The following ITGB5 variants were observed in gnomAD, a reference collection of about 807,000 sequenced individuals.
The protein encoded by ITGB5 is integrin beta-5.
In ITGB5, 38 loss-of-function variants were observed where a neutral mutation model predicts 84.8. That is an observed-to-expected ratio of 0.45 (90% CI 0.35 to 0.59). ITGB5 has a LOEUF of 0.59. Ranked by LOEUF, ITGB5 falls within the 20% of genes least tolerant of loss-of-function variation. The pLI is 0.01. For synonymous variants in ITGB5, 393 were observed against 414.4 expected (o/e 0.95, Z 0.63); for missense variants, 905 against 1,034.5 (o/e 0.87, Z 1.72).
chr3:124,825,452 T>C (rs535234271), intron 5 of ITGB5, among the ~76,000 whole-genome samples: 47 of 152,254 alleles, frequency 3.1e-4, no homozygotes, highest in African/African-American at 1.1e-3. Flanking sequence ...AACCCAAATG[T>C]CCATCAGTAA....
At position 124,818,502 on chromosome 3, in the gene ITGB5, CTTTTTT is replaced by C. The variant is rs143582866; in HGVS notation, c.1039-798_1039-793del. Reference sequence around the variant, plus strand: ...AAAACGTTATTTGTAAGTGCATAGGCTTTTTTTTTTTTTTTTTTTTTTTTTTTTTGC... The same window carrying C: ...AAAACGTTATTTGTAAGTGCATAGGCTTTTTTTTTTTTTTTTTTTTTTTGC... On this transcript the variant is annotated intron_variant, in intron 7 of 14. Coordinates refer to ENST00000296181, the MANE Select transcript of ITGB5 (RefSeq NM_002213.5). Among the ~76,000 whole-genome samples the C allele has an allele frequency of 2.6e-3, 178 of 68,196 alleles. 1 individual carries two copies. The highest frequency in any genetic ancestry group is 8.9e-3 in the African/African-American group (167 of 18,754). The allele number at this position is 68,196 out of a possible 152,430, so 44.7% of individuals were successfully genotyped here. A position where few individuals can be genotyped will look rare whatever the true frequency, so the allele number is the denominator to read the frequency against.
At chr3:124,773,995 C>A (rs1037270718) in intron 10 of ITGB5, 83 bp from the exon 11 acceptor site, 9 of 1,275,040 alleles carry the variant, frequency 7.1e-6, no homozygotes, top group Middle Eastern at 2.2e-4. Flanking sequence ...CATGCCAGGA[C>A]TGGGATTCAG....
At chr3:124,844,495 G>A (rs2065052377) in intron 4 of ITGB5, among the ~76,000 whole-genome samples, 1 of 152,144 alleles carries the variant, frequency 6.6e-6, no homozygotes, top group Non-Finnish European at 1.5e-5. Flanking sequence ...AGGAGGTGGA[G>A]GTTGCAGTGA....
At chr3:124,867,959 C>G (rs755092918) in intron 2 of ITGB5, among the ~76,000 whole-genome samples, 1 of 152,118 alleles carries the variant, frequency 6.6e-6, no homozygotes, top group African/African-American at 2.4e-5. Flanking sequence ...AGGGAGAAAC[C>G]AAGTGGAGGT....
At chr3:124,843,895 G>C (rs2065042554) in intron 4 of ITGB5, among the ~76,000 whole-genome samples, 1 of 152,114 alleles carries the variant, frequency 6.6e-6, no homozygotes, top group Admixed American at 6.6e-5. Flanking sequence ...AGAGCCAAGG[G>C]AGTGTCTGTA....
chr3:124,842,043 T>C (rs3772845), intron 4 of ITGB5, among the ~76,000 whole-genome samples: 126,416 of 152,258 alleles, frequency 0.83, 52,660 homozygotes, highest in African/African-American at 0.89. Context: ...CACATAATCT[T>C]GTCATGTCAA....
intron 7 of ITGB5, 41 bp downstream of exon 7, chr3:124,819,698 T>C: frequency 7.0e-7 from 1 of 1,438,648 alleles, no homozygotes. Context: ...CACCACCCAC[T>C]TCACCCCACA....
At chr3:124,898,016 A>G (rs1290270664) in intron 1 of ITGB5, among the ~76,000 whole-genome samples, 1 of 152,098 alleles carries the variant, frequency 6.6e-6, no homozygotes, top group Admixed American at 6.5e-5. Context: ...AAAATCCTCT[A>G]TATTCTTTGG....
intron 8 of ITGB5, among the ~76,000 whole-genome samples, chr3:124,810,908 TTTTCTTTCTTTC>T (rs10644920): frequency 2.9e-4 from 44 of 150,062 alleles, no homozygotes; most frequent in East Asian, 1.4e-3. Flanking sequence ...CTCTTGTGGG[TTTTCTTTCTTTC>T]TTTCTTTCTT....
intron 10 of ITGB5, among the ~76,000 whole-genome samples, chr3:124,787,195 C>G (rs2064094175): frequency 6.6e-6 from 1 of 152,098 alleles, no homozygotes; most frequent in Non-Finnish European, 1.5e-5. Context: ...ACTTCTCTTC[C>G]TAAGTAGAGG....
chr3:124,849,280 AC>A (rs1209895518), intron 3 of ITGB5, among the ~76,000 whole-genome samples: 1 of 152,202 alleles, frequency 6.6e-6, no homozygotes, highest in Non-Finnish European at 1.5e-5. Flanking sequence ...TGCGTTTGAA[AC>A]AAAAAGCAGG....
chr3:124,787,219 A>AC (rs1368127478), intron 10 of ITGB5, among the ~76,000 whole-genome samples: 2 of 152,176 alleles, frequency 1.3e-5, no homozygotes, highest in Admixed American at 6.5e-5. Flanking sequence ...TGGGACGGTG[A>AC]GGGGAGGCCC....
At chr3:124,817,592 G>A (rs764843162) in intron 8 of ITGB5, 29 bp downstream of exon 8, 2 of 1,222,304 alleles carry the variant, frequency 1.6e-6, no homozygotes, top group East Asian at 2.6e-5. Context: ...GAAGGGAGGT[G>A]GCAGTGGGGG....
intron 9 of ITGB5, among the ~76,000 whole-genome samples, chr3:124,802,980 G>A (rs2064339424): frequency 6.6e-6 from 1 of 152,202 alleles, no homozygotes; most frequent in Non-Finnish European, 1.5e-5. Flanking sequence ...GACCCCTGCT[G>A]TTCCCACAGG....
chr3:124,812,738 A>T (rs1005862826), intron 8 of ITGB5, among the ~76,000 whole-genome samples: 2 of 152,224 alleles, frequency 1.3e-5, no homozygotes, highest in Non-Finnish European at 2.9e-5. Context: ...GTATAAATCC[A>T]ACTTGATTTC....
intron 10 of ITGB5, among the ~76,000 whole-genome samples, chr3:124,776,291 A>C (rs989858828): frequency 1.3e-4 from 20 of 151,856 alleles, no homozygotes; most frequent in Admixed American, 2.0e-4. Context: ...GGCAGCAGGA[A>C]CTCCCCACGG....
At chr3:124,765,472 A>G (rs3772815) in intron 13 of ITGB5, among the ~76,000 whole-genome samples, 25,152 of 152,052 alleles carry the variant, frequency 0.17, 2,280 homozygotes, top group Admixed American at 0.25. Context: ...CTTGAGTGAT[A>G]CCCTGCCCAG....
intron 1 of ITGB5, among the ~76,000 whole-genome samples, chr3:124,883,446 G>C (rs567910892): frequency 6.6e-5 from 10 of 152,272 alleles, no homozygotes; most frequent in African/African-American, 2.4e-4. Flanking sequence ...TAAATCCATA[G>C]GATAAACAGC....
intron 8 of ITGB5, among the ~76,000 whole-genome samples, chr3:124,814,495 G>T (rs1579239346): frequency 7.0e-6 from 1 of 143,618 alleles, no homozygotes; most frequent in African/African-American, 2.6e-5. Context: ...AAAAAAAAAA[G>T]AGACAGAGTC....
Sources: gnomAD v4.1 joint callset for allele counts (sites outside exome capture counted in the v4.1 genomes callset) on GRCh38, gnomAD v4.1.1 for gene constraint, MANE v1.5 for transcripts, NCBI Gene and HGNC (gene_info 2026-07-23, HGNC 2026-07-21) for gene names.